ZNF326: variants seen among roughly 807,000 people sequenced by gnomAD.
ZNF326 encodes the protein DBIRD complex subunit ZNF326.
In ZNF326, 30 loss-of-function variants were observed where a neutral mutation model predicts 63.1. The observed-to-expected ratio is 0.48, with a 90% CI of 0.36 to 0.64. The LOEUF is 0.64. Among genes scored for constraint, ZNF326 ranks in the 30% least tolerant of loss-of-function variants. The pLI, the probability that ZNF326 is intolerant of heterozygous loss-of-function variation, is 0.00. For missense variants in ZNF326, 609 were observed against 720.3 expected (o/e 0.85, Z 1.77); for synonymous variants, 194 against 228.2 (o/e 0.85, Z 1.35).
intron 1 of ZNF326, among the ~76,000 whole-genome samples, chr1:89,996,092 T>C (rs986301276): frequency 5.9e-5 from 9 of 152,370 alleles, no homozygotes; most frequent in African/African-American, 2.2e-4. Context: ...CAGATACTAA[T>C]TCTTTAAACC....
chr1:90,034,775 C>G lies in ZNF326; in HGVS notation c.*7074C>G, dbSNP rs1192878850. On this transcript the variant is annotated 3_prime_UTR_variant, in exon 12 of 12. Coordinates refer to ENST00000340281, the MANE Select transcript of ZNF326 (RefSeq NM_182976.4). ...AAACATCTCAATTTGGTCTCTGAGG[C>G]TAGCATAATCCTTATTCCAGAAAAT... The G allele has an allele frequency of 6.6e-6, 1 of 152,112 alleles. No individual in the cohort carries two copies. The highest frequency in any genetic ancestry group is 1.5e-5 in the Non-Finnish European group (1 of 68,004). 9.4% of individuals were successfully genotyped at this position (152,112 alleles called of 1,614,324 possible).
intron 1 of ZNF326, among the ~76,000 whole-genome samples, chr1:89,997,649 G>T (rs1045395411): frequency 1.3e-5 from 2 of 152,202 alleles, no homozygotes; most frequent in Non-Finnish European, 2.9e-5. Flanking sequence ...GGGATTACAG[G>T]CGTGAGCCAC....
chr1:90,024,951 T>G (rs1310652075), intron 11 of ZNF326, among the ~76,000 whole-genome samples: 1 of 151,606 alleles, frequency 6.6e-6, no homozygotes, highest in Non-Finnish European at 1.5e-5. Flanking sequence ...TCATTATTTC[T>G]TCCCTTACTT....
In ZNF326 at chr1:90,002,154, A is replaced by G. The variant is rs144196348; in HGVS notation, c.62-2849A>G. ...ATCTTACATTATCTGTAGCCCTATA[A>G]CTACACTGATTGTATACAATATAAA... On this transcript the variant is annotated intron_variant, in intron 2 of 11. Transcript: ENST00000340281. Among the ~76,000 whole-genome samples the G allele has an allele frequency of 1.1e-4, 16 of 152,278 alleles. No individual in the cohort carries two copies. In the East Asian group the frequency reaches 2.3e-3, roughly 22 times the overall value.
chr1:90,007,701 A>G lies in ZNF326; in HGVS notation c.566A>G (p.Asn189Ser), dbSNP rs1209026719. 7 of 1,515,618 alleles carry G rather than the reference A, an allele frequency of 4.6e-6. No individual in the cohort carries two copies. Among genetic ancestry groups the G allele is most frequent in the Non-Finnish European group, 6.2e-6 (7 of 1,132,580 alleles). 93.9% of individuals were successfully genotyped at this position (1,515,618 alleles called of 1,614,324 possible). ...CCTGAAAGTACGTTTGGAAGCAGAA[A>G]CTATGATGCTTTTGGAGGACCATCA... ...AYPESTFGSR[N>S]YDAFGGPSTG... Residue 189 changes from asparagine (N) to serine (S), a missense_variant, in exon 5 of 12, where the codon AAC (asparagine) becomes AGC (serine). By Grantham distance (46) the Asn-to-Ser change is conservative. Transcript: ENST00000340281. This position sits in a 1 kb window ranked among gnomAD's most constrained non-coding sequence, Gnocchi z 4.9.
Position 89,998,170 on chromosome 1 carries a change from C to G in ZNF326, c.61+16C>G, listed in dbSNP as rs746541694. 1.2e-6 allele frequency: 2 copies of G among 1,611,832 alleles called. No homozygotes were observed. Among genetic ancestry groups the G allele is most frequent in the Admixed American group, 1.7e-5 (1 of 59,726 alleles). ...GGCTTTAATGGTAAGTATCCTCTTT[C>G]AGCTTTTCTCTTCATGCGCATAAAA... On this transcript the variant is annotated intron_variant, in intron 2 of 11. Transcript: ENST00000340281.
rs142189388 is a variant in ZNF326 at position 90,005,020 on chromosome 1, G to A, written c.79G>A (p.Gly27Ser). The part of the protein sequence containing the change: ...QGFNGMDRDY[G>S]PGSYGGMDRD... Reference sequence around the variant, plus strand: ...TCTTTTAGGAATGGATCGTGATTATGGCCCTGGATCTTATGGAGGTCTGAC... The same window carrying A: ...TCTTTTAGGAATGGATCGTGATTATAGCCCTGGATCTTATGGAGGTCTGAC... The change falls in exon 3 of 12, where the codon GGC becomes AGC. Residue 27 changes from glycine (G) to serine (S), a missense_variant. Coordinates refer to ENST00000340281, the MANE Select transcript of ZNF326 (RefSeq NM_182976.4). 15 of 1,613,638 alleles carry A rather than the reference G, an allele frequency of 9.3e-6. No individual in the cohort carries two copies. The highest frequency in any genetic ancestry group is 1.3e-5 in the Non-Finnish European group (15 of 1,179,926).
rs1650222236 is a variant in ZNF326, at chr1:90,030,499, T to G, written c.*2798T>G. 6.6e-6 allele frequency: 1 copy of G among 152,180 alleles called. No individual in the cohort carries two copies. The highest frequency in any genetic ancestry group is 1.5e-5 in the Non-Finnish European group (1 of 68,040). The allele number at this position is 152,180 out of a possible 1,614,324, so 9.4% of individuals were successfully genotyped here. ...TCCTACAAAGACCTTTGCATTTTCT[T>G]ATTCTATAGCCTATACCCATCAGCT... is the stretch of plus-strand genomic sequence containing the variant. On this transcript the variant is annotated 3_prime_UTR_variant, in exon 12 of 12. Transcript: ENST00000340281.
At position 90,033,889 on chromosome 1, in the gene ZNF326, T is replaced by C. The variant is rs1650382757; in HGVS notation, c.*6188T>C. On this transcript the variant is annotated 3_prime_UTR_variant, in exon 12 of 12. Coordinates refer to ENST00000340281, the MANE Select transcript of ZNF326 (RefSeq NM_182976.4). Reference sequence around the variant, plus strand: ...TATTTTTGAATGTATGTATGTATGTTACAGTATAAATATATAGAGGAGTTC... The same window carrying C: ...TATTTTTGAATGTATGTATGTATGTCACAGTATAAATATATAGAGGAGTTC... 2 of 151,704 alleles carry C rather than the reference T, an allele frequency of 1.3e-5. No individual in the cohort carries two copies. The highest frequency in any genetic ancestry group is 4.2e-4 in the South Asian group (2 of 4,810). 9.4% of individuals were successfully genotyped at this position (151,704 alleles called of 1,614,324 possible). A position where few individuals can be genotyped will look rare whatever the true frequency, so the allele number is the denominator to read the frequency against.
chr1:90,005,917 G>A (rs527345094), intron 4 of ZNF326: 7 of 985,358 alleles, frequency 7.1e-6, no homozygotes, highest in South Asian at 4.7e-5. Flanking sequence ...TGTTACTACT[G>A]TATAAAGCTT....
intron 2 of ZNF326, 59 bp from the exon 3 acceptor site, chr1:90,004,944 A>G: frequency 2.0e-6 from 3 of 1,490,286 alleles, no homozygotes; most frequent in Non-Finnish European, 2.8e-6. Flanking sequence ...TGTTTTGTGC[A>G]AAGATCCCTG....
chr1:90,015,258 G>A (rs1011983817), intron 7 of ZNF326, among the ~76,000 whole-genome samples: 5 of 152,168 alleles, frequency 3.3e-5, no homozygotes, highest in Admixed American at 6.5e-5. Context: ...CACATGGAAA[G>A]GTTTATATCT....
intron 7 of ZNF326, among the ~76,000 whole-genome samples, chr1:90,014,516 T>G (rs890847341): frequency 6.6e-6 from 1 of 152,168 alleles, no homozygotes; most frequent in Non-Finnish European, 1.5e-5. Flanking sequence ...TAAGGAGAAA[T>G]TTGATTTGCT....
At chr1:90,023,664 G>T (rs1031842113) in intron 11 of ZNF326, among the ~76,000 whole-genome samples, 1 of 152,172 alleles carries the variant, frequency 6.6e-6, no homozygotes, top group East Asian at 1.9e-4. Flanking sequence ...TTTTATTCTT[G>T]CATTGTCACA....
chr1:90,004,798 C>CTTTTTT lies in ZNF326; in HGVS notation c.62-189_62-184dup, dbSNP rs34878438. Among the ~76,000 whole-genome samples the CTTTTTT allele has an allele frequency of 3.6e-3, 244 of 67,978 alleles. 3 individuals carry two copies. The highest frequency in any genetic ancestry group is 4.6e-3 in the East Asian group (9 of 1,952). 44.6% of individuals were successfully genotyped at this position (67,978 alleles called of 152,430 possible). On this transcript the variant is annotated intron_variant, in intron 2 of 11. Transcript: ENST00000340281. ...TATGTTTTTCTTTGAAATATCAGGG[C>CTTTTTT]TTTTTTTTTTTTTTTTTTTTTAGCA...
At position 90,034,653 on chromosome 1, in the gene ZNF326, AC is replaced by A. The variant is rs1650413816; in HGVS notation, c.*6953del. The stretch of plus-strand genomic sequence containing the variant: ...ATTTTTAAAAATCAGACAAAAGAAA[AC>A]ACTGTCCTTGTAATGCTTGCATTTA... On this transcript the variant is annotated 3_prime_UTR_variant, in exon 12 of 12. Coordinates refer to ENST00000340281, the MANE Select transcript of ZNF326 (RefSeq NM_182976.4). 6.6e-6 allele frequency: 1 copy of A among 152,146 alleles called. No homozygotes were observed. The highest frequency in any genetic ancestry group is 1.9e-4 in the East Asian group (1 of 5,198). The allele number at this position is 152,146 out of a possible 1,614,324, so 9.4% of individuals were successfully genotyped here.
intron 5 of ZNF326, among the ~76,000 whole-genome samples, chr1:90,008,496 T>C (rs1203528113): frequency 2.6e-5 from 4 of 152,232 alleles, no homozygotes; most frequent in Non-Finnish European, 5.9e-5. Context: ...CACAGTTGTT[T>C]AAGTTTAGGG....
chr1:90,015,347 A>G (rs1182855468), intron 7 of ZNF326, among the ~76,000 whole-genome samples: 1 of 152,214 alleles, frequency 6.6e-6, no homozygotes, highest in Non-Finnish European at 1.5e-5. Flanking sequence ...GAAGGATACC[A>G]GGAGTACAAT....
chr1:89,996,093 T>G (rs1478326827), intron 1 of ZNF326, among the ~76,000 whole-genome samples: 1 of 152,228 alleles, frequency 6.6e-6, no homozygotes, highest in Non-Finnish European at 1.5e-5. Context: ...AGATACTAAT[T>G]CTTTAAACCA....
Sources: gnomAD v4.1 joint callset for allele counts (sites outside exome capture counted in the v4.1 genomes callset) on GRCh38, gnomAD v4.1.1 for gene constraint, Gnocchi (gnomAD v3.1) non-coding constraint, MANE v1.5 for transcripts, NCBI Gene and HGNC (gene_info 2026-07-23, HGNC 2026-07-21) for gene names.